PDXDC1: variants seen among roughly 807,000 people sequenced by gnomAD.
PDXDC1 encodes the protein pyridoxal-dependent decarboxylase domain-containing protein 1.
PDXDC1 carries 42 observed loss-of-function variants against 100.1 expected under a neutral mutation model. That is an observed-to-expected ratio of 0.42 (90% CI 0.33 to 0.54). The LOEUF (loss-of-function observed/expected upper bound fraction) is 0.54, where lower values mean the gene tolerates loss of function less well. Ranked by LOEUF, PDXDC1 falls within the 20% of genes least tolerant of loss-of-function variation. The pLI is 0.10. For synonymous variants in PDXDC1, 260 were observed against 371.7 expected, an observed-to-expected ratio of 0.70 and a Z score of 3.46; for missense variants, 636 against 979.2, an observed-to-expected ratio of 0.65 and a Z score of 4.68.
chr16:15,131,190 G>T (rs777340671), intron 16 of PDXDC1: 1 of 1,588,456 alleles, frequency 6.3e-7, no homozygotes, highest in African/African-American at 1.3e-5. Flanking sequence ...GGACCACAAC[G>T]GAGTTGGCAG....
intron 16 of PDXDC1, chr16:15,121,851 G>A (rs991445865): frequency 3.5e-5 from 7 of 199,324 alleles, no homozygotes; most frequent in Non-Finnish European, 6.1e-5. Flanking sequence ...TACACTTAAG[G>A]TTATATATTT....
At chr16:15,094,370 C>G (rs1210855257) in intron 16 of PDXDC1, 1 of 780,964 alleles carries the variant, frequency 1.3e-6, no homozygotes, top group African/African-American at 1.8e-5. Context: ...GGCGTATGCT[C>G]TCGGCGGGCT....
intron 16 of PDXDC1, among the ~76,000 whole-genome samples, chr16:15,124,448 T>C (rs960674227): frequency 4.1e-4 from 62 of 152,078 alleles, no homozygotes; most frequent in African/African-American, 1.5e-3. Context: ...TTACCATAAA[T>C]AGAAAAACAA....
intron 16 of PDXDC1, among the ~76,000 whole-genome samples, chr16:15,132,019 G>GA (rs1160140745): frequency 8.1e-5 from 1 of 12,344 alleles, no homozygotes; most frequent in Admixed American, 6.2e-4. Flanking sequence ...GGGGGATAAG[G>GA]GGATAAGGGA....
At chr16:15,008,909 TGAA>T in intron 7 of PDXDC1, 62 bp downstream of exon 7, 2 of 1,523,562 alleles carry the variant, frequency 1.3e-6, no homozygotes, top group Non-Finnish European at 1.8e-6. Context: ...GCCTTTCAAA[TGAA>T]GTTCTTTTTG....
chr16:15,029,187 C>T (rs2042868369), intron 15 of PDXDC1: 3 of 644,142 alleles, frequency 4.7e-6, no homozygotes, highest in Admixed American at 2.4e-5. Flanking sequence ...CCTCACTTTC[C>T]TTGCTGCTGT....
chr16:15,009,580 T>C, intron 7 of PDXDC1, 101 bp from the exon 8 acceptor site: 1 of 1,527,914 alleles, frequency 6.5e-7, no homozygotes, highest in Non-Finnish European at 8.8e-7. Context: ...TGATTTGACA[T>C]TACTTTTGAG....
At chr16:15,064,001 T>C (rs2044840860) in intron 16 of PDXDC1, among the ~76,000 whole-genome samples, 1 of 152,184 alleles carries the variant, frequency 6.6e-6, no homozygotes, top group South Asian at 2.1e-4. Flanking sequence ...ACAACTAATC[T>C]GGTTTCAGTC....
In PDXDC1 at chr16:15,038,277, C is replaced by A; in HGVS notation, c.*2002C>A. The A allele has an allele frequency of 1.8e-6, 2 of 1,124,044 alleles. No homozygotes were observed. Among genetic ancestry groups the A allele is most frequent in the South Asian group, 1.4e-5 (1 of 69,398 alleles). The allele number at this position is 1,124,044 out of a possible 1,614,324, so 69.6% of individuals were successfully genotyped here. On this transcript the variant is annotated 3_prime_UTR_variant, in exon 23 of 23. Coordinates refer to ENST00000396410, the MANE Select transcript of PDXDC1 (RefSeq NM_015027.4). ...CTGTCCCCTGCTGTGATAAAGATGT[C>A]AAAGTATCTTTGTTCTTGGACACAA...
intron 3 of PDXDC1, among the ~76,000 whole-genome samples, chr16:14,998,852 A>G (rs1340139108): frequency 6.6e-6 from 1 of 152,290 alleles, no homozygotes. Flanking sequence ...GCAGTATAAC[A>G]TTAGAAAACT....
the PDXDC1 span, among the ~76,000 whole-genome samples, chr16:15,150,171 C>T: frequency 5.3e-5 from 8 of 151,658 alleles, no homozygotes; most frequent in South Asian, 2.1e-4. Flanking sequence ...GGTGAAACCC[C>T]GTCTCTACTA....
chr16:15,076,963 T>C (rs994512068), intron 16 of PDXDC1, among the ~76,000 whole-genome samples: 175 of 149,314 alleles, frequency 1.2e-3, no homozygotes, highest in Non-Finnish European at 9.3e-4. Flanking sequence ...TCTGGCTCTG[T>C]GTCCCCACCC....
intron 1 of PDXDC1, chr16:14,988,318 C>T (rs1252891010): frequency 6.8e-6 from 11 of 1,613,672 alleles, no homozygotes; most frequent in South Asian, 3.3e-5. Context: ...CCACAGTACT[C>T]GTTGTAGATG....
At chr16:15,104,242 T>G in intron 16 of PDXDC1, 2 of 1,280,770 alleles carry the variant, frequency 1.6e-6, no homozygotes, top group Non-Finnish European at 2.1e-6. Context: ...CCCCTACGAT[T>G]AAAAACCTCA....
chr16:15,071,167 T>C, intron 16 of PDXDC1: 1 of 1,610,662 alleles, frequency 6.2e-7, no homozygotes, highest in Non-Finnish European at 8.5e-7. Flanking sequence ...CCAATATAAT[T>C]TCCAGCAGCC....
intron 16 of PDXDC1, among the ~76,000 whole-genome samples, chr16:15,085,270 G>A (rs995197595): frequency 6.6e-6 from 1 of 151,964 alleles, no homozygotes; most frequent in African/African-American, 2.4e-5. Flanking sequence ...TACATCAAAG[G>A]TTGTCATTTG....
chr16:15,148,898 G>C, the PDXDC1 span, among the ~76,000 whole-genome samples: 1 of 152,122 alleles, frequency 6.6e-6, no homozygotes, highest in Non-Finnish European at 1.5e-5. Flanking sequence ...GTACAGGAGT[G>C]AGCGTGTGAC....
chr16:15,032,072 C>T, intron 17 of PDXDC1, 166 bp downstream of exon 17: 1 of 652,482 alleles, frequency 1.5e-6, no homozygotes, highest in East Asian at 2.7e-5. Context: ...ACAGTGCAAG[C>T]AGGCAATTTG....
intron 16 of PDXDC1, chr16:15,047,650 T>C: frequency 1.0e-6 from 1 of 995,696 alleles, no homozygotes; most frequent in Non-Finnish European, 1.6e-6. Flanking sequence ...CATCTTTGAA[T>C]ATCCTGTAGG....
Sources: gnomAD v4.1 joint callset for allele counts (sites outside exome capture counted in the v4.1 genomes callset) on GRCh38, gnomAD v4.1.1 for gene constraint, MANE v1.5 for transcripts, NCBI Gene and HGNC (gene_info 2026-07-23, HGNC 2026-07-21) for gene names.